The following SRRM3 variants were observed in gnomAD, a reference collection of about 807,000 sequenced individuals.
The protein encoded by SRRM3 is serine/arginine repetitive matrix 3.
In SRRM3, 27 loss-of-function variants were observed where a neutral mutation model predicts 66.2. The ratio of observed to expected loss-of-function variants is 0.41; its 90% CI spans 0.30 to 0.56. The LOEUF (loss-of-function observed/expected upper bound fraction) is 0.56, where lower values mean the gene tolerates loss of function less well. SRRM3 is among the 20% of genes least tolerant of loss of function. The pLI is 0.32. For missense variants in SRRM3, 918 were observed against 991.9 expected, an observed-to-expected ratio of 0.93 and a Z score of 1.00; for synonymous variants, 391 against 414.9, an observed-to-expected ratio of 0.94 and a Z score of 0.70.
chr7:76,279,472 G>T (rs1288294595), intron 11 of SRRM3, among the ~76,000 whole-genome samples: 2 of 150,770 alleles, frequency 1.3e-5, no homozygotes, highest in Non-Finnish European at 2.9e-5. Flanking sequence ...GAGGATTTTC[G>T]GGGAGGAACA....
chr7:76,274,726 G>A (rs1192474692), intron 11 of SRRM3, among the ~76,000 whole-genome samples: 3 of 152,204 alleles, frequency 2.0e-5, no homozygotes, highest in Admixed American at 2.0e-4. Context: ...GAGGGTACTA[G>A]AGTCAGAGGT....
At chr7:76,283,632 C>T (rs199511447) in intron 14 of SRRM3, 1 of 521,724 alleles carries the variant, frequency 1.9e-6, no homozygotes, top group Non-Finnish European at 3.5e-6. Context: ...GTCAGCTGTC[C>T]GTCTGTCTGC....
At chr7:76,244,196 C>A (rs1291126780) in intron 2 of SRRM3, among the ~76,000 whole-genome samples, 4 of 152,142 alleles carry the variant, frequency 2.6e-5, no homozygotes, top group Non-Finnish European at 5.9e-5. Flanking sequence ...ACACAGACTC[C>A]GACCCTAGCT....
intron 2 of SRRM3, among the ~76,000 whole-genome samples, chr7:76,242,297 C>G (rs935378946): frequency 6.6e-6 from 1 of 152,062 alleles, no homozygotes; most frequent in Non-Finnish European, 1.5e-5. Context: ...CCAGCCTGAC[C>G]AACATGGAGA....
At chr7:76,225,625 T>C (rs1800845018) in intron 1 of SRRM3, among the ~76,000 whole-genome samples, 1 of 152,130 alleles carries the variant, frequency 6.6e-6, no homozygotes, top group South Asian at 2.1e-4. Context: ...CTCACTCCTG[T>C]AATCCCAGTG....
chr7:76,249,630 C>G (rs782590552), intron 3 of SRRM3, among the ~76,000 whole-genome samples: 1 of 152,236 alleles, frequency 6.6e-6, no homozygotes, highest in Non-Finnish European at 1.5e-5. Flanking sequence ...CATTGCTGGC[C>G]GAGCTCCATG....
chr7:76,258,713 C>CAAAAA (rs201265747), intron 3 of SRRM3, among the ~76,000 whole-genome samples: 3 of 68,182 alleles, frequency 4.4e-5, no homozygotes, highest in Admixed American at 1.7e-4. Flanking sequence ...GACTCCATCT[C>CAAAAA]AAAAAAAAAA....
intron 1 of SRRM3, among the ~76,000 whole-genome samples, chr7:76,206,765 C>A (rs1800310859): frequency 6.6e-6 from 1 of 152,154 alleles, no homozygotes; most frequent in African/African-American, 2.4e-5. Flanking sequence ...AGCCTCTGGC[C>A]TGTCCTTCTG....
chr7:76,220,697 G>A (rs545295671), intron 1 of SRRM3, among the ~76,000 whole-genome samples: 1 of 152,288 alleles, frequency 6.6e-6, no homozygotes, highest in Admixed American at 6.5e-5. Flanking sequence ...GGACCACAAG[G>A]GCTATGGTCA....
At chr7:76,222,407 T>C (rs1800747215) in intron 1 of SRRM3, among the ~76,000 whole-genome samples, 1 of 121,076 alleles carries the variant, frequency 8.3e-6, no homozygotes, top group Non-Finnish European at 1.7e-5. Flanking sequence ...GGAGACCCCG[T>C]CTCAAAAAAA....
intron 11 of SRRM3, among the ~76,000 whole-genome samples, chr7:76,271,007 T>A (rs1335745972): frequency 6.6e-6 from 1 of 151,630 alleles, no homozygotes; most frequent in Non-Finnish European, 1.5e-5. Flanking sequence ...ATCTCGAGAC[T>A]GAGGCCAGTG....
At chr7:76,216,109 C>T (rs1368854068) in intron 1 of SRRM3, among the ~76,000 whole-genome samples, 1 of 147,570 alleles carries the variant, frequency 6.8e-6, no homozygotes, top group African/African-American at 2.5e-5. Flanking sequence ...GCCCGGCCCA[C>T]ATCTGGCTAA....
At chr7:76,220,656 G>A (rs1302691458) in intron 1 of SRRM3, among the ~76,000 whole-genome samples, 11 of 152,206 alleles carry the variant, frequency 7.2e-5, no homozygotes, top group Non-Finnish European at 1.5e-4. Context: ...GCTGGACCCA[G>A]CCCTAGACTG....
chr7:76,268,765 G>A (rs1319356603), intron 11 of SRRM3: 1 of 152,552 alleles, frequency 6.6e-6, no homozygotes, highest in Non-Finnish European at 1.5e-5. Context: ...GCGCAGGGAG[G>A]ATGACACTGA....
At chr7:76,282,571 G>GGGACCCCCCCCCCCCCCCCCCC in intron 12 of SRRM3, 77 bp from the exon 13 acceptor site, 1 of 92,252 alleles carries the variant, frequency 1.1e-5, no homozygotes, top group Non-Finnish European at 1.8e-5. Context: ...CCTAAGCCCC[G>GGGACCCCCCCCCCCCCCCCCCC]CCCCAGGGAA....
chr7:76,240,633 A>C (rs1384941559), intron 2 of SRRM3, among the ~76,000 whole-genome samples: 6 of 151,962 alleles, frequency 3.9e-5, no homozygotes, highest in South Asian at 4.2e-4. Context: ...AAAAAAAAAA[A>C]AAAACATTTT....
intron 3 of SRRM3, among the ~76,000 whole-genome samples, chr7:76,258,300 G>A (rs1801763320): frequency 1.3e-5 from 2 of 152,172 alleles, no homozygotes; most frequent in Non-Finnish European, 2.9e-5. Context: ...AGCGGGGCAG[G>A]GAGGCACTCA....
intron 1 of SRRM3, among the ~76,000 whole-genome samples, chr7:76,220,886 G>T (rs1278297623): frequency 1.3e-5 from 2 of 152,032 alleles, no homozygotes; most frequent in African/African-American, 4.8e-5. Flanking sequence ...GCTTTCAGCA[G>T]TTCCCCTCCC....
At chr7:76,214,534 G>A (rs1258166980) in intron 1 of SRRM3, among the ~76,000 whole-genome samples, 5 of 152,078 alleles carry the variant, frequency 3.3e-5, no homozygotes, top group African/African-American at 4.8e-5. Flanking sequence ...CAGGGGAGTC[G>A]GGGAGGAGCT....
Sources: gnomAD v4.1 joint callset for allele counts (sites outside exome capture counted in the v4.1 genomes callset) on GRCh38, gnomAD v4.1.1 for gene constraint, MANE v1.5 for transcripts, NCBI Gene and HGNC (gene_info 2026-07-23, HGNC 2026-07-21) for gene names.